The following FRMD3 variants were observed in gnomAD, a reference collection of about 807,000 sequenced individuals.
The protein encoded by FRMD3 is FERM domain containing 3, also known as FERM domain-containing protein 3.
FRMD3 carries 33 observed loss-of-function variants against 70.2 expected under a neutral mutation model. That is an observed-to-expected ratio of 0.47 (90% CI 0.36 to 0.63). FRMD3 has a LOEUF of 0.63. Ranked by LOEUF, FRMD3 falls within the 20% of genes least tolerant of loss-of-function variation. The pLI is 0.00. For missense variants in FRMD3, 632 were observed against 711.4 expected, an observed-to-expected ratio of 0.89 and a Z score of 1.27; for synonymous variants, 279 against 255.9, an observed-to-expected ratio of 1.09 and a Z score of -0.86.
At chr9:83,375,952 G>C (rs1587790210) in intron 2 of FRMD3, among the ~76,000 whole-genome samples, 1 of 152,202 alleles carries the variant, frequency 6.6e-6, no homozygotes, top group Middle Eastern at 3.4e-3. Context: ...CTGAGGTCAG[G>C]AGTTCGAGAC....
rs559027456 is a variant in FRMD3, at chr9:83,434,953, A to G, written c.148-45245T>C. ...GTGATTCTCCTGCCTCAGCCTCCTGAGTAGCTGACCACAAGCACACACCAC... is the reference window on the plus strand; with the variant it reads ...GTGATTCTCCTGCCTCAGCCTCCTGGGTAGCTGACCACAAGCACACACCAC... On this transcript the variant is annotated intron_variant, in intron 1 of 13. Transcript: ENST00000304195. Among the ~76,000 whole-genome samples, 25 of 150,370 alleles carry G rather than the reference A, an allele frequency of 1.7e-4. No individual in the cohort carries two copies. In the South Asian group the frequency reaches 5.0e-3, roughly 30 times the overall value.
intron 5 of FRMD3, among the ~76,000 whole-genome samples, chr9:83,337,779 T>C (rs916422820): frequency 1.3e-5 from 2 of 152,202 alleles, no homozygotes; most frequent in African/African-American, 4.8e-5. Context: ...AAATCAAAGC[T>C]CTTTAAAGCT....
At chr9:83,373,235 A>G (rs1484560879) in intron 2 of FRMD3, among the ~76,000 whole-genome samples, 1 of 152,238 alleles carries the variant, frequency 6.6e-6, no homozygotes, top group Non-Finnish European at 1.5e-5. Context: ...GGGATGTTCT[A>G]GTACCCCTAA....
chr9:83,309,666 C>T lies in FRMD3; in HGVS notation c.838-42G>A, dbSNP rs770550116. 229 of 1,284,252 alleles carry T rather than the reference C, an allele frequency of 1.8e-4. 1 individual carries two copies. The highest frequency in any genetic ancestry group is 2.4e-4 in the Non-Finnish European group (218 of 914,074). The allele number at this position is 1,284,252 out of a possible 1,614,324, so 79.6% of individuals were successfully genotyped here. A position where few individuals can be genotyped will look rare whatever the true frequency, so the allele number is the denominator to read the frequency against. On this transcript the variant is annotated intron_variant, in intron 9 of 13. Coordinates refer to ENST00000304195, the MANE Select transcript of FRMD3 (RefSeq NM_174938.6). Reference sequence around the variant, plus strand: ...AAAACAAGAAAAGGCACGTAAAATACCATTTACATTTTCCATGGGTTTTTT... The same window carrying T: ...AAAACAAGAAAAGGCACGTAAAATATCATTTACATTTTCCATGGGTTTTTT...
intron 13 of FRMD3, among the ~76,000 whole-genome samples, chr9:83,288,068 A>G (rs1452524181): frequency 6.6e-6 from 1 of 152,244 alleles, no homozygotes; most frequent in African/African-American, 2.4e-5. Context: ...ATGAAACATT[A>G]AAATATAGAG....
intron 12 of FRMD3, 143 bp from the exon 13 acceptor site, chr9:83,290,870 C>A (rs992798770): frequency 1.1e-5 from 9 of 853,348 alleles, no homozygotes; most frequent in Non-Finnish European, 1.2e-5. Flanking sequence ...GTAAAGATGA[C>A]GTAACATTCA....
At chr9:83,253,862 A>T (rs1832545773) in intron 13 of FRMD3, among the ~76,000 whole-genome samples, 3 of 152,166 alleles carry the variant, frequency 2.0e-5, no homozygotes, top group South Asian at 4.1e-4. Flanking sequence ...CTTGGAACCA[A>T]CCCAAATGTC....
intron 13 of FRMD3, among the ~76,000 whole-genome samples, chr9:83,283,177 C>T (rs1347185325): frequency 6.6e-6 from 1 of 151,902 alleles, no homozygotes; most frequent in Non-Finnish European, 1.5e-5. Flanking sequence ...TCAAGCTGTT[C>T]TTGGCATCTC....
the FRMD3 span, among the ~76,000 whole-genome samples, chr9:83,564,421 T>A: frequency 6.6e-6 from 1 of 152,166 alleles, no homozygotes; most frequent in African/African-American, 2.4e-5. Context: ...ACAGCCTCAA[T>A]CTCTCCTTGT....
At chr9:83,255,470 CA>C (rs1315275897) in intron 13 of FRMD3, among the ~76,000 whole-genome samples, 7 of 149,208 alleles carry the variant, frequency 4.7e-5, no homozygotes, top group Non-Finnish European at 8.9e-5. Context: ...AAAACCAGCA[CA>C]AGACAAGGAT....
chr9:83,507,372 A>AAAG (rs1363915856), intron 1 of FRMD3, among the ~76,000 whole-genome samples: 1 of 139,324 alleles, frequency 7.2e-6, no homozygotes, highest in African/African-American at 2.7e-5. Flanking sequence ...GTCTCAAAAA[A>AAAG]AAAAAAAAAA....
rs1832108009 is a variant in FRMD3 at position 83,246,554 on chromosome 9, G to A, written c.*1364C>T. On this transcript the variant is annotated 3_prime_UTR_variant, in exon 14 of 14. Coordinates refer to ENST00000304195, the MANE Select transcript of FRMD3 (RefSeq NM_174938.6). ...AGGCCTCTCCAGTTTCTCTATGGAAGTCAAATTTTAAAACAACTGGGAAAG... is the reference window on the plus strand; with the variant it reads ...AGGCCTCTCCAGTTTCTCTATGGAAATCAAATTTTAAAACAACTGGGAAAG... 2 of 984,886 alleles carry A rather than the reference G, an allele frequency of 2.0e-6. No individual in the cohort carries two copies. The allele number at this position is 984,886 out of a possible 1,614,324, so 61.0% of individuals were successfully genotyped here. A position where few individuals can be genotyped will look rare whatever the true frequency, so the allele number is the denominator to read the frequency against.
At chr9:83,557,857 T>C in the FRMD3 span, among the ~76,000 whole-genome samples, 3 of 152,236 alleles carry the variant, frequency 2.0e-5, no homozygotes, top group Non-Finnish European at 4.4e-5. Flanking sequence ...GGATTTTATC[T>C]GAAACCCTGA....
chr9:83,478,480 T>C (rs1828452121), intron 1 of FRMD3, among the ~76,000 whole-genome samples: 1 of 152,168 alleles, frequency 6.6e-6, no homozygotes, highest in South Asian at 2.1e-4. Context: ...AGGATAGCTA[T>C]TATGAAAACA....
chr9:83,244,086 C>T (rs1362556261), downstream of FRMD3, among the ~76,000 whole-genome samples: 1 of 151,870 alleles, frequency 6.6e-6, no homozygotes, highest in East Asian at 1.9e-4. Flanking sequence ...CGTGATCGTG[C>T]CATTGCACTC....
chr9:83,314,019 T>G (rs1041770833), intron 6 of FRMD3, among the ~76,000 whole-genome samples: 1 of 152,198 alleles, frequency 6.6e-6, no homozygotes, highest in Non-Finnish European at 1.5e-5. Flanking sequence ...GTTATCAAGT[T>G]ACCAATAAGC....
intron 1 of FRMD3, among the ~76,000 whole-genome samples, chr9:83,419,254 C>T (rs1024083428): frequency 1.1e-4 from 17 of 152,138 alleles, no homozygotes; most frequent in African/African-American, 3.9e-4. Context: ...TCTGTATAAC[C>T]GAAAATCACT....
chr9:83,311,752 C>A, intron 8 of FRMD3, 135 bp downstream of exon 8: 1 of 709,750 alleles, frequency 1.4e-6, no homozygotes, highest in East Asian at 2.7e-5. Context: ...ATGTTACATC[C>A]CTTTATGATG....
At chr9:83,495,127 T>A (rs1056152630) in intron 1 of FRMD3, among the ~76,000 whole-genome samples, 1 of 152,176 alleles carries the variant, frequency 6.6e-6, no homozygotes, top group African/African-American at 2.4e-5. Context: ...TTTGTCATGA[T>A]TGCACTCTCT....
Sources: gnomAD v4.1 joint callset for allele counts (sites outside exome capture counted in the v4.1 genomes callset) on GRCh38, gnomAD v4.1.1 for gene constraint, MANE v1.5 for transcripts, NCBI Gene and HGNC (gene_info 2026-07-23, HGNC 2026-07-21) for gene names.